IRX2: variants seen among roughly 807,000 people sequenced by gnomAD.
IRX2 encodes iroquois homeobox 2, also known as iroquois-class homeodomain protein IRX-2.
Under a neutral mutation model 42.9 loss-of-function variants are expected in IRX2, and 26 were observed. The observed-to-expected ratio is 0.61, with a 90% CI of 0.44 to 0.84. The LOEUF is 0.84. IRX2 is among the 40% of genes least tolerant of loss of function. The pLI is 0.00. For synonymous variants in IRX2, 424 were observed against 353.9 expected (o/e 1.20, Z -2.22); for missense variants, 782 against 713.9 (o/e 1.10, Z -1.09).
At chr5:2,738,487 T>TCGCCC in the IRX2 span, among the ~76,000 whole-genome samples, 1 of 152,014 alleles carries the variant, frequency 6.6e-6, no homozygotes, top group Non-Finnish European at 1.5e-5. Flanking sequence ...GGAGCCTGAT[T>TCGCCC]CGCCCCCCTG....
the IRX2 span, among the ~76,000 whole-genome samples, chr5:2,740,324 A>G: frequency 5.9e-4 from 89 of 151,600 alleles, no homozygotes; most frequent in Non-Finnish European, 1.1e-3. Flanking sequence ...GAGCGGTCAC[A>G]CCGGGGCTGA....
Position 2,751,140 on chromosome 5 carries a change from C to A in IRX2, c.249+25G>T. On this transcript the variant is annotated intron_variant, in intron 1 of 3. Coordinates refer to ENST00000302057, the MANE Select transcript of IRX2 (RefSeq NM_033267.5). The surrounding 1 kb of genome is among the most constrained non-coding windows in gnomAD (Gnocchi z 4.0). ...GTCTGGGTCCCGGCGCCCAGGAGTC[C>A]CGCGTCCCGCCCGCGCCCGGTTACC... 8.1e-7 allele frequency: 1 copy of A among 1,233,320 alleles called. No individual in the cohort carries two copies. Among genetic ancestry groups the A allele is most frequent in the South Asian group, 3.0e-5 (1 of 33,526 alleles). The allele number at this position is 1,233,320 out of a possible 1,614,324, so 76.4% of individuals were successfully genotyped here.
downstream of IRX2, among the ~76,000 whole-genome samples, chr5:2,745,143 C>T (rs967142808): frequency 2.0e-5 from 3 of 152,132 alleles, no homozygotes; most frequent in Non-Finnish European, 4.4e-5. Context: ...TAATGAACCC[C>T]AACTGACCAT....
In IRX2 at chr5:2,748,794, C is replaced by A; in HGVS notation, c.914G>T (p.Arg305Leu). The A allele has an allele frequency of 7.0e-7, 1 of 1,419,086 alleles. No individual in the cohort carries two copies. The highest frequency in any genetic ancestry group is 9.1e-7 in the Non-Finnish European group (1 of 1,100,116). The allele number at this position is 1,419,086 out of a possible 1,614,324, so 87.9% of individuals were successfully genotyped here. A position where few individuals can be genotyped will look rare whatever the true frequency, so the allele number is the denominator to read the frequency against. ...GCCCTGGGGCGTCTTGCGGCCACCGCGGGGCGCGGCCTCGGGCGGGGGGCT... is the reference window on the plus strand; with the variant it reads ...GCCCTGGGGCGTCTTGCGGCCACCGAGGGGCGCGGCCTCGGGCGGGGGGCT... ...LLSPPPEAAP[R>L]GGRKTPQGSR... The change falls in exon 3 of 4, where the codon CGC becomes CTC. Residue 305 changes from arginine (R) to leucine (L), a missense_variant. By Grantham distance (102) the Arg-to-Leu change is moderately radical. Transcript: ENST00000302057.
chr5:2,745,370 TTTC>T (rs1737635537), downstream of IRX2, among the ~76,000 whole-genome samples: 1 of 152,230 alleles, frequency 6.6e-6, no homozygotes, highest in African/African-American at 2.4e-5. Context: ...TGATTGTTCA[TTTC>T]TTCTCTGAAA....
At chr5:2,742,301 AGT>A (rs566694864), downstream of IRX2, among the ~76,000 whole-genome samples, 460 of 152,350 alleles carry the variant, frequency 3.0e-3, 2 homozygotes, top group Non-Finnish European at 5.5e-3. Context: ...AGGGCTAGTG[AGT>A]GCTTTCATTA....
At chr5:2,740,159 G>A in the IRX2 span, among the ~76,000 whole-genome samples, 18 of 151,612 alleles carry the variant, frequency 1.2e-4, no homozygotes, top group Non-Finnish European at 1.9e-4. Flanking sequence ...CGGGTCTGGG[G>A]CCGCCGGGGC....
chr5:2,747,859 C>T (rs566946401), intron 3 of IRX2, among the ~76,000 whole-genome samples: 54 of 152,298 alleles, frequency 3.5e-4, no homozygotes, highest in African/African-American at 1.2e-3. Flanking sequence ...GGGGAAAAAA[C>T]GGTTTTCTTT....
In IRX2 at chr5:2,748,562, G is replaced by A; in HGVS notation, c.1146C>T (p.Leu382=). The A allele has an allele frequency of 6.4e-7, 1 of 1,569,690 alleles. No homozygotes were observed. The highest frequency in any genetic ancestry group is 8.6e-7 in the Non-Finnish European group (1 of 1,160,148). Residue 382 remains leucine (L), a synonymous_variant, in exon 3 of 4, where the codon CTC becomes CTT. Coordinates refer to ENST00000302057, the MANE Select transcript of IRX2 (RefSeq NM_033267.5). ...YPASPLLGRP[L]YYTSPFYGNY... ...TGCCGTAGAAGGGCGACGTGTAGTA[G>A]AGGGGGCGGCCCAGCAGCGGCGAGG...
In IRX2 at chr5:2,751,193, GCGGCGGCGT is replaced by G; in HGVS notation, c.212_220del (p.Asp71_Ala73del). The G allele has an allele frequency of 3.1e-6, 4 of 1,271,248 alleles. No individual in the cohort carries two copies. Among genetic ancestry groups the G allele is most frequent in the Non-Finnish European group, 4.0e-6 (4 of 1,010,790 alleles). 78.7% of individuals were successfully genotyped at this position (1,271,248 alleles called of 1,614,324 possible). ...GTAGGACGGGAAGCCGGCGGCGGCG[GCGGCGGCGT>G]CGGCCGAGTACTGCAGCGGGCTCCC... On this transcript the variant is annotated inframe_deletion, in exon 1 of 4. Transcript: ENST00000302057. The surrounding 1 kb of genome is among the most constrained non-coding windows in gnomAD (Gnocchi z 4.0).
chr5:2,750,491 G>A (rs1470373915), intron 1 of IRX2, among the ~76,000 whole-genome samples: 1 of 152,196 alleles, frequency 6.6e-6, no homozygotes, highest in African/African-American at 2.4e-5. Flanking sequence ...GTAACCTCGA[G>A]ACTCGCGAGC....
In IRX2 at chr5:2,749,316, C is replaced by A. The variant is rs1283212896; in HGVS notation, c.655+66G>T. 2.0e-6 allele frequency: 3 copies of A among 1,532,890 alleles called. No individual in the cohort carries two copies. In the African/African-American group the frequency reaches 4.2e-5, roughly 21 times the overall value. 95.0% of individuals were successfully genotyped at this position (1,532,890 alleles called of 1,614,324 possible). A position where few individuals can be genotyped will look rare whatever the true frequency, so the allele number is the denominator to read the frequency against. On this transcript the variant is annotated intron_variant, in intron 2 of 3. Transcript: ENST00000302057. The stretch of plus-strand genomic sequence containing the variant: ...GTCCGGCGGGCAACGTCCTCCCCGC[C>A]TTAGCTCTGCGCCCCGCCTGGGAAG...
At chr5:2,748,017 G>A (rs1012140241) in intron 3 of IRX2, among the ~76,000 whole-genome samples, 19 of 152,172 alleles carry the variant, frequency 1.2e-4, no homozygotes, top group Admixed American at 1.2e-3. Context: ...ACAAGACACC[G>A]AAACACACCC....
Position 2,751,642 on chromosome 5 carries a change from G to A in IRX2, c.-229C>T, listed in dbSNP as rs561604350. On this transcript the variant is annotated 5_prime_UTR_variant, in exon 1 of 4. Transcript: ENST00000302057. This position sits in a 1 kb window ranked among gnomAD's most constrained non-coding sequence, Gnocchi z 4.0. ...GGTGGGCGCAGCCGCGCGCCAGGCC[G>A]GCGGTCGGGGTTTGGGGGAGTCTGG... is the stretch of plus-strand genomic sequence containing the variant. 3 of 151,942 alleles carry A rather than the reference G, an allele frequency of 2.0e-5. No homozygotes were observed. The highest frequency in any genetic ancestry group is 4.4e-5 in the Non-Finnish European group (3 of 68,784). The allele number at this position is 151,942 out of a possible 1,614,324, so 9.4% of individuals were successfully genotyped here. A position where few individuals can be genotyped will look rare whatever the true frequency, so the allele number is the denominator to read the frequency against.
downstream of IRX2, among the ~76,000 whole-genome samples, chr5:2,745,256 A>G (rs1737633556): frequency 1.3e-5 from 2 of 152,220 alleles, no homozygotes; most frequent in African/African-American, 2.4e-5. Flanking sequence ...GAACCTCTTG[A>G]AAAATAAGTG....
chr5:2,749,886 C>G (rs1225163861), intron 1 of IRX2, 99 bp from the exon 2 acceptor site: 3 of 1,286,028 alleles, frequency 2.3e-6, no homozygotes, highest in Non-Finnish European at 3.1e-6. Flanking sequence ...CACCGTTCCC[C>G]CCGTGAGTCT....
the IRX2 span, chr5:2,736,848 G>A: frequency 6.6e-6 from 1 of 152,212 alleles, no homozygotes; most frequent in African/African-American, 2.4e-5. Flanking sequence ...TGACTTCCAT[G>A]CAAATCATGC....
rs1239341815 is a variant in IRX2, at chr5:2,747,300, C to T, written c.*264G>A. The T allele has an allele frequency of 8.1e-6, 2 of 247,468 alleles. No homozygotes were observed. The highest frequency in any genetic ancestry group is 1.5e-5 in the Non-Finnish European group (2 of 133,218). The allele number at this position is 247,468 out of a possible 1,614,324, so 15.3% of individuals were successfully genotyped here. On this transcript the variant is annotated 3_prime_UTR_variant, in exon 4 of 4. Transcript: ENST00000302057. ...TACATATATATATTACACACACACA[C>T]ACACACATATATATATATATTTTTT...
intron 1 of IRX2, among the ~76,000 whole-genome samples, chr5:2,750,520 G>A (rs575065219): frequency 5.1e-4 from 77 of 152,344 alleles, no homozygotes; most frequent in African/African-American, 1.8e-3. Context: ...GGTCGCCGGA[G>A]CAGGAGCTGC....
Sources: allele counts gnomAD v4.1 joint callset (sites outside exome capture counted in the v4.1 genomes callset), GRCh38; gene constraint gnomAD v4.1.1; non-coding constraint Gnocchi (gnomAD v3.1); transcripts MANE v1.5; gene names NCBI Gene and HGNC (gene_info 2026-07-23, HGNC 2026-07-21).